Variants in CDK14 observed in about 807,000 individuals in gnomAD.
CDK14 encodes the protein cyclin-dependent kinase 14.
CDK14 carries 34 observed loss-of-function variants against 60.7 expected under a neutral mutation model. The ratio of observed to expected loss-of-function variants is 0.56; its 90% confidence interval spans 0.43 to 0.75. The LOEUF (loss-of-function observed/expected upper bound fraction) is 0.75. Among genes scored for constraint, CDK14 ranks in the 30% least tolerant of loss-of-function variants. CDK14 has a pLI of 0.00. For synonymous variants in CDK14, 197 were observed against 203.7 expected, an observed-to-expected ratio of 0.97 and a Z score of 0.28; for missense variants, 482 against 564.1, an observed-to-expected ratio of 0.85 and a Z score of 1.47.
At chr7:90,690,975 CT>C (rs1801540369) in intron 2 of CDK14, among the ~76,000 whole-genome samples, 2 of 152,064 alleles carry the variant, frequency 1.3e-5, no homozygotes, top group Admixed American at 1.3e-4. Context: ...CCACCATTCC[CT>C]TGGTGCTCAG....
chr7:91,096,065 CAAA>C (rs112016367), intron 12 of CDK14, among the ~76,000 whole-genome samples: 2 of 64,550 alleles, frequency 3.1e-5, no homozygotes, highest in Admixed American at 4.7e-4. Flanking sequence ...CACAATTTGC[CAAA>C]AAAAAAAAAA....
At chr7:90,737,059 G>T (rs1474112532) in intron 3 of CDK14, among the ~76,000 whole-genome samples, 1 of 152,134 alleles carries the variant, frequency 6.6e-6, no homozygotes, top group African/African-American at 2.4e-5. Context: ...GATGTATATT[G>T]AGTGCCCACT....
At chr7:90,642,804 G>A (rs1012133256) in intron 2 of CDK14, among the ~76,000 whole-genome samples, 5 of 151,956 alleles carry the variant, frequency 3.3e-5, no homozygotes, top group African/African-American at 1.2e-4. Context: ...CACAGTAAAC[G>A]TTTAAAGGTG....
rs140226537 is a variant in CDK14, at chr7:91,078,212, T to C, written c.1106-1220T>C. ...AGGATATTTGCTGAAGTATTGTTTG[T>C]AAGGGAAAAGAAATTGGAAACTACT... On this transcript the variant is annotated intron_variant, in intron 11 of 14. Coordinates refer to ENST00000380050, the MANE Select transcript of CDK14 (RefSeq NM_001287135.2). Among the ~76,000 whole-genome samples the C allele has an allele frequency of 9.4e-3, 1,428 of 152,316 alleles. 11 individuals are homozygous for C. Among genetic ancestry groups the C allele is most frequent in the Admixed American group, 0.027 (411 of 15,306 alleles).
intron 2 of CDK14, among the ~76,000 whole-genome samples, chr7:90,702,850 G>T (rs1420731996): frequency 1.3e-5 from 2 of 152,024 alleles, no homozygotes; most frequent in African/African-American, 4.8e-5. Flanking sequence ...AATTATTTCT[G>T]TATGTTTATT....
chr7:91,185,216 G>T lies in CDK14; in HGVS notation c.*29-21949G>T, dbSNP rs184797569. On this transcript the variant is annotated intron_variant, in intron 14 of 14. Coordinates refer to ENST00000380050, the MANE Select transcript of CDK14 (RefSeq NM_001287135.2). The stretch of plus-strand genomic sequence containing the variant: ...AGTAAACAATGATATAGAAATAAAA[G>T]AACTATTTAGAAAACTGTTGCCCTT... 2.1e-4 allele frequency among the ~76,000 whole-genome samples: 31 copies of T among 150,620 alleles called. No homozygotes were observed. The East Asian group carries it at 5.5e-3, about 27-fold the overall frequency.
At chr7:91,140,103 A>G (rs1295848829) in intron 14 of CDK14, among the ~76,000 whole-genome samples, 1 of 152,142 alleles carries the variant, frequency 6.6e-6, no homozygotes, top group Admixed American at 6.5e-5. Context: ...GGCAAAAGTG[A>G]GCAATGGTGA....
At chr7:91,056,923 C>T (rs1027344990) in intron 11 of CDK14, among the ~76,000 whole-genome samples, 11 of 151,960 alleles carry the variant, frequency 7.2e-5, no homozygotes, top group Non-Finnish European at 1.6e-4. Context: ...GGTATATACC[C>T]AGTAATGGGA....
intron 9 of CDK14, among the ~76,000 whole-genome samples, chr7:90,968,548 AT>A (rs1447590027): frequency 6.6e-6 from 1 of 152,112 alleles, no homozygotes; most frequent in Non-Finnish European, 1.5e-5. Flanking sequence ...GGATGTTTAT[AT>A]AATTGAATTT....
At chr7:90,887,073 G>A (rs773295358) in intron 6 of CDK14, among the ~76,000 whole-genome samples, 11 of 152,056 alleles carry the variant, frequency 7.2e-5, no homozygotes, top group Admixed American at 1.3e-4. Context: ...AAATTTGTGA[G>A]TTTTTCCCCT....
chr7:90,630,956 T>C (rs1799983808), intron 2 of CDK14, among the ~76,000 whole-genome samples: 2 of 151,214 alleles, frequency 1.3e-5, no homozygotes, highest in Non-Finnish European at 2.9e-5. Context: ...AAAGTTAATC[T>C]CTTTTATTTT....
intron 3 of CDK14, among the ~76,000 whole-genome samples, chr7:90,744,013 T>C (rs1249625007): frequency 1.3e-5 from 2 of 152,178 alleles, no homozygotes; most frequent in Admixed American, 6.5e-5. Context: ...ATTCTTTTTT[T>C]TTAAATTATT....
intron 2 of CDK14, among the ~76,000 whole-genome samples, chr7:90,684,593 G>A (rs1425063884): frequency 6.6e-6 from 1 of 152,124 alleles, no homozygotes; most frequent in Non-Finnish European, 1.5e-5. Flanking sequence ...CTAGTGTCCT[G>A]TCCAGTCTGT....
chr7:90,760,297 A>G (rs1002977843), intron 4 of CDK14, among the ~76,000 whole-genome samples: 1 of 152,240 alleles, frequency 6.6e-6, no homozygotes, highest in Admixed American at 6.5e-5. Context: ...GTGAGATTAA[A>G]GATGCAGTTC....
At chr7:90,924,920 T>G (rs1793369085) in intron 8 of CDK14, among the ~76,000 whole-genome samples, 1 of 152,126 alleles carries the variant, frequency 6.6e-6, no homozygotes, top group Non-Finnish European at 1.5e-5. Flanking sequence ...ATAGATAAAC[T>G]TAGGATATTA....
intron 2 of CDK14, among the ~76,000 whole-genome samples, chr7:90,697,067 G>A (rs1422620581): frequency 2.6e-5 from 4 of 152,138 alleles, no homozygotes; most frequent in Non-Finnish European, 1.5e-5. Flanking sequence ...ATGGGTTTAA[G>A]AATGAATGGA....
At chr7:90,782,693 G>T (rs1293704767) in intron 4 of CDK14, among the ~76,000 whole-genome samples, 1 of 152,062 alleles carries the variant, frequency 6.6e-6, no homozygotes, top group Non-Finnish European at 1.5e-5. Context: ...ATTGAATAAG[G>T]GGTGGGATAT....
intron 11 of CDK14, among the ~76,000 whole-genome samples, chr7:91,066,717 T>C (rs1285971425): frequency 6.6e-6 from 1 of 152,218 alleles, no homozygotes; most frequent in Non-Finnish European, 1.5e-5. Flanking sequence ...TGTTCTCCAG[T>C]TGTTTTCCTG....
At chr7:90,953,877 A>G (rs939873477) in intron 8 of CDK14, among the ~76,000 whole-genome samples, 5 of 152,172 alleles carry the variant, frequency 3.3e-5, no homozygotes, top group African/African-American at 1.2e-4. Flanking sequence ...TGGGGTTACC[A>G]AGTTCTGGAG....
Sources: gnomAD v4.1 joint callset for allele counts (sites outside exome capture counted in the v4.1 genomes callset) on GRCh38, gnomAD v4.1.1 for gene constraint, MANE v1.5 for transcripts, NCBI Gene and HGNC (gene_info 2026-07-23, HGNC 2026-07-21) for gene names.